The following HDAC9 variants were observed in gnomAD, a reference collection of about 807,000 sequenced individuals.
The protein encoded by HDAC9 is MEF-2 interacting transcription repressor (MITR) protein.
Under a neutral mutation model 139.4 loss-of-function variants are expected in HDAC9, and 41 were observed. That is an observed-to-expected ratio of 0.29 (90% CI 0.23 to 0.38). The LOEUF (loss-of-function observed/expected upper bound fraction) is 0.38. HDAC9 is among the 10% of genes least tolerant of loss of function. HDAC9 has a pLI of 1.00. For missense variants in HDAC9, 1,147 were observed against 1,297.0 expected (o/e 0.88, Z 1.78); for synonymous variants, 517 against 476.2 (o/e 1.09, Z -1.12).
intron 13 of HDAC9, among the ~76,000 whole-genome samples, chr7:18,735,403 A>G (rs949855951): frequency 6.6e-6 from 1 of 151,976 alleles, no homozygotes; most frequent in African/African-American, 2.4e-5. Flanking sequence ...ATCCTGAGTT[A>G]ATTTTTGTAT....
intron 21 of HDAC9, among the ~76,000 whole-genome samples, chr7:18,872,359 A>C (rs1798988286): frequency 6.6e-6 from 1 of 152,176 alleles, no homozygotes; most frequent in Non-Finnish European, 1.5e-5. Flanking sequence ...TTTGCTTCAG[A>C]TAGAAACCAG....
chr7:18,530,980 A>G (rs571719806), intron 2 of HDAC9, among the ~76,000 whole-genome samples: 1 of 151,954 alleles, frequency 6.6e-6, no homozygotes, highest in East Asian at 1.9e-4. Flanking sequence ...CCTGCCTCCC[A>G]TATTAGCCAT....
intron 16 of HDAC9, among the ~76,000 whole-genome samples, chr7:18,771,980 G>T (rs1790336785): frequency 6.6e-6 from 1 of 152,256 alleles, no homozygotes; most frequent in East Asian, 1.9e-4. Flanking sequence ...ACTAGACAAG[G>T]TGCAGCATGC....
chr7:18,190,390 T>C (rs1250428554), intron 2 of HDAC9, among the ~76,000 whole-genome samples: 1 of 152,236 alleles, frequency 6.6e-6, no homozygotes, highest in Non-Finnish European at 1.5e-5. Flanking sequence ...TGTTTGAATA[T>C]ATGTGCTTAG....
chr7:18,554,974 A>G (rs1026493212), intron 2 of HDAC9, among the ~76,000 whole-genome samples: 2 of 152,204 alleles, frequency 1.3e-5, no homozygotes, highest in Admixed American at 1.3e-4. Flanking sequence ...GTTAAATTCT[A>G]TGTGTGAAGT....
At chr7:18,172,129 A>G (rs1788500695) in intron 2 of HDAC9, among the ~76,000 whole-genome samples, 1 of 152,088 alleles carries the variant, frequency 6.6e-6, no homozygotes, top group African/African-American at 2.4e-5. Context: ...AGAGCCTGTT[A>G]TTGGTCTATT....
At chr7:18,348,107 T>C (rs979892754) in intron 1 of HDAC9, among the ~76,000 whole-genome samples, 28 of 152,176 alleles carry the variant, frequency 1.8e-4, no homozygotes, top group African/African-American at 6.8e-4. Flanking sequence ...GTTTAAAATA[T>C]CAGTTTCTAG....
At chr7:18,241,712 C>CCTGACA (rs1489560187) in intron 2 of HDAC9, among the ~76,000 whole-genome samples, 1 of 152,162 alleles carries the variant, frequency 6.6e-6, no homozygotes, top group Non-Finnish European at 1.5e-5. Context: ...TTCAGTGTTT[C>CCTGACA]CTGACACTGA....
intron 7 of HDAC9, among the ~76,000 whole-genome samples, chr7:18,633,161 A>T (rs1040065771): frequency 1.3e-5 from 2 of 152,038 alleles, no homozygotes; most frequent in South Asian, 2.1e-4. Context: ...AACTTAGGTG[A>T]ATGTCTGAAT....
chr7:18,372,877 A>G (rs939156080), intron 1 of HDAC9, among the ~76,000 whole-genome samples: 3 of 152,242 alleles, frequency 2.0e-5, no homozygotes, highest in Admixed American at 6.5e-5. Flanking sequence ...TATTAACCAT[A>G]TAACAGATTT....
At chr7:18,155,015 T>C in intron 1 of HDAC9, among the ~76,000 whole-genome samples, 1 of 152,174 alleles carries the variant, frequency 6.6e-6, no homozygotes, top group East Asian at 1.9e-4. Flanking sequence ...ATTACTTCCT[T>C]TTCACAATTC....
At chr7:18,400,711 A>G (rs1232771582) in intron 1 of HDAC9, among the ~76,000 whole-genome samples, 1 of 152,194 alleles carries the variant, frequency 6.6e-6, no homozygotes, top group Non-Finnish European at 1.5e-5. Context: ...AAGATGAATT[A>G]GGACTCTACT....
intron 2 of HDAC9, among the ~76,000 whole-genome samples, chr7:18,225,600 A>T (rs1209061985): frequency 6.6e-6 from 1 of 152,188 alleles, no homozygotes; most frequent in Non-Finnish European, 1.5e-5. Flanking sequence ...TCATGCATAT[A>T]CATGGAATCT....
intron 24 of HDAC9, among the ~76,000 whole-genome samples, chr7:18,965,342 A>T (rs1449635190): frequency 2.6e-5 from 4 of 152,338 alleles, no homozygotes; most frequent in South Asian, 4.1e-4. Context: ...CATTTTAGTA[A>T]TATGTGTCTC....
chr7:18,864,303 T>G (rs1479168589), intron 21 of HDAC9, among the ~76,000 whole-genome samples: 1 of 152,182 alleles, frequency 6.6e-6, no homozygotes, highest in Non-Finnish European at 1.5e-5. Flanking sequence ...ATGATTTCAC[T>G]TACATGAGGT....
chr7:18,526,882 A>G (rs1195771664), intron 2 of HDAC9, among the ~76,000 whole-genome samples: 1 of 152,166 alleles, frequency 6.6e-6, no homozygotes. Flanking sequence ...TGAGCTTTAA[A>G]AAATGTTCTG....
chr7:18,721,683 C>A (rs1269185224), intron 12 of HDAC9, among the ~76,000 whole-genome samples: 2 of 152,086 alleles, frequency 1.3e-5, no homozygotes, highest in East Asian at 3.8e-4. Context: ...AAAGTGAAAA[C>A]CCAGAAGCTA....
intron 1 of HDAC9, among the ~76,000 whole-genome samples, chr7:18,410,587 G>T (rs1788451473): frequency 6.6e-6 from 1 of 152,056 alleles, no homozygotes; most frequent in African/African-American, 2.4e-5. Flanking sequence ...TTTTAATAAA[G>T]ACTTGAATGA....
chr7:18,759,894 ACAT>A (rs1789229958), intron 14 of HDAC9, among the ~76,000 whole-genome samples: 1 of 152,232 alleles, frequency 6.6e-6, no homozygotes, highest in Non-Finnish European at 1.5e-5. Context: ...GTGTATGAAC[ACAT>A]CAAGATATAC....
Sources: allele counts gnomAD v4.1 joint callset (sites outside exome capture counted in the v4.1 genomes callset), GRCh38; gene constraint gnomAD v4.1.1; transcripts MANE v1.5; gene names NCBI Gene and HGNC (gene_info 2026-07-23, HGNC 2026-07-21).